EIF4E: variants seen among roughly 807,000 people sequenced by gnomAD.
EIF4E encodes the protein eIF-4F 25 kDa subunit.
For synonymous variants in EIF4E, 71 were observed against 88.5 expected, an observed-to-expected ratio of 0.80 and a Z score of 1.11; for missense variants, 113 against 265.6, an observed-to-expected ratio of 0.43 and a Z score of 3.99.
intron 1 of EIF4E, chr4:98,909,742 ATTT>A: frequency 1.4e-6 from 1 of 705,226 alleles, no homozygotes; most frequent in Non-Finnish European, 2.6e-6. Context: ...TTCAGCTCTC[ATTT>A]TTTTTCTTTC....
At chr4:98,909,674 T>A in intron 1 of EIF4E, 1 of 711,840 alleles carries the variant, frequency 1.4e-6, no homozygotes, top group Non-Finnish European at 2.6e-6. Context: ...ACAAGGCTTA[T>A]CACCTGGGAT....
At chr4:98,903,530 G>C in intron 1 of EIF4E, 1 of 453,868 alleles carries the variant, frequency 2.2e-6, no homozygotes, top group Middle Eastern at 3.7e-4. Flanking sequence ...TTTTAGTAGA[G>C]ACAAGGTCTC....
chr4:98,885,763 T>A (rs1160275293), intron 5 of EIF4E, among the ~76,000 whole-genome samples: 1 of 152,180 alleles, frequency 6.6e-6, no homozygotes, highest in Admixed American at 6.5e-5. Flanking sequence ...TTCTTAATTG[T>A]GGTAAAATAC....
chr4:98,915,537 G>A (rs1027516830), intron 1 of EIF4E, among the ~76,000 whole-genome samples: 1 of 149,530 alleles, frequency 6.7e-6, no homozygotes, highest in African/African-American at 2.5e-5. Context: ...TCATATTTTT[G>A]TAAATTACTT....
chr4:98,925,494 C>T (rs1194040635), intron 1 of EIF4E, among the ~76,000 whole-genome samples: 3 of 152,162 alleles, frequency 2.0e-5, no homozygotes, highest in African/African-American at 7.2e-5. Context: ...ACCGTTTGCC[C>T]TAACGTTCAA....
chr4:98,904,214 C>A (rs1364307503), intron 1 of EIF4E, among the ~76,000 whole-genome samples: 1 of 152,148 alleles, frequency 6.6e-6, no homozygotes, highest in Non-Finnish European at 1.5e-5. Context: ...AATTGCAGCA[C>A]TTTGAGAGGC....
intron 1 of EIF4E, among the ~76,000 whole-genome samples, chr4:98,905,231 T>TAA (rs72074867): frequency 0.17 from 23,738 of 140,316 alleles, 2,260 homozygotes; most frequent in African/African-American, 0.28. Flanking sequence ...TCAGGGAATT[T>TAA]AAAAAAAAAA....
chr4:98,894,026 C>T (rs1030721108), intron 2 of EIF4E, among the ~76,000 whole-genome samples: 3 of 152,172 alleles, frequency 2.0e-5, no homozygotes, highest in Admixed American at 2.0e-4. Context: ...AGCTCTTGGG[C>T]GACTAGGCGC....
intron 2 of EIF4E, among the ~76,000 whole-genome samples, chr4:98,900,515 C>A (rs1222423640): frequency 6.6e-6 from 1 of 151,548 alleles, no homozygotes; most frequent in Non-Finnish European, 1.5e-5. Context: ...TATAAATAGA[C>A]TTGTGGACTC....
At chr4:98,909,795 G>A (rs1406441480) in intron 1 of EIF4E, 9 of 699,960 alleles carry the variant, frequency 1.3e-5, no homozygotes, top group South Asian at 4.5e-5. Context: ...ACTTTTTCTC[G>A]ACCAACTGCT....
chr4:98,891,931 T>C (rs181924731), intron 2 of EIF4E, among the ~76,000 whole-genome samples: 1 of 152,314 alleles, frequency 6.6e-6, no homozygotes, highest in Admixed American at 6.5e-5. Flanking sequence ...TTCCCTGCTA[T>C]ACCTAGAGAC....
chr4:98,926,457 G>C (rs1260177555), intron 1 of EIF4E: 1 of 151,294 alleles, frequency 6.6e-6, no homozygotes, highest in Non-Finnish European at 1.5e-5. Flanking sequence ...CAGGAGAATC[G>C]ATTGAACCCA....
intron 2 of EIF4E, among the ~76,000 whole-genome samples, chr4:98,898,849 A>G (rs1376137284): frequency 6.6e-6 from 1 of 152,112 alleles, no homozygotes; most frequent in Non-Finnish European, 1.5e-5. Flanking sequence ...AATTTTTAAG[A>G]GTGTAAAGGA....
chr4:98,888,049 A>G, intron 3 of EIF4E, 97 bp from the exon 4 acceptor site: 1 of 1,067,266 alleles, frequency 9.4e-7, no homozygotes, highest in Non-Finnish European at 1.4e-6. Context: ...ATGAAAATAA[A>G]CAGATAAAAG....
Position 98,929,130 on chromosome 4 carries a change from G to C in EIF4E, c.-18C>G, listed in dbSNP as rs755922330. 1.3e-6 allele frequency: 2 copies of C among 1,563,856 alleles called. No homozygotes were observed. Among genetic ancestry groups the C allele is most frequent in the South Asian group, 2.4e-5 (2 of 85,048 alleles). ...GTCGCCATCTTAGATCGATCTGATC[G>C]CACAACCGCTCCAGAAGGGGGGGTA... On this transcript the variant is annotated 5_prime_UTR_variant, in exon 1 of 7. Transcript: ENST00000450253.
At chr4:98,884,823 G>A (rs1579147953) in intron 6 of EIF4E, 99 bp downstream of exon 6, 2 of 1,471,530 alleles carry the variant, frequency 1.4e-6, no homozygotes, top group East Asian at 2.3e-5. Context: ...AGGAAAACAG[G>A]ATCTACAAAC....
In EIF4E at chr4:98,917,133, C is replaced by CACACAA. The variant is rs1386548303; in HGVS notation, c.18+11961_18+11962insTTGTGT. 7.3e-3 allele frequency among the ~76,000 whole-genome samples: 402 copies of CACACAA among 55,204 alleles called. 4 individuals carry two copies. The highest frequency in any genetic ancestry group is 0.012 in the Non-Finnish European group (327 of 27,738). 36.2% of individuals were successfully genotyped at this position (55,204 alleles called of 152,430 possible). A position where few individuals can be genotyped will look rare whatever the true frequency, so the allele number is the denominator to read the frequency against. On this transcript the variant is annotated intron_variant, in intron 1 of 6. Transcript: ENST00000450253. Reference sequence around the variant, plus strand: ...ACACACACACACACACACACACACACAAAAAAAACCCAAATGCTCAAGTGT... The same window carrying CACACAA: ...ACACACACACACACACACACACACACACACAAAAAAAAAACCCAAATGCTCAAGTGT...
At chr4:98,906,161 C>A (rs1021181678) in intron 1 of EIF4E, among the ~76,000 whole-genome samples, 4 of 152,156 alleles carry the variant, frequency 2.6e-5, no homozygotes, top group African/African-American at 9.7e-5. Flanking sequence ...CCATTTGTGT[C>A]CTCCATTACC....
intron 1 of EIF4E, among the ~76,000 whole-genome samples, chr4:98,918,063 C>T (rs1725463008): frequency 6.6e-6 from 1 of 150,512 alleles, no homozygotes; most frequent in African/African-American, 2.4e-5. Context: ...GAGACCCTGT[C>T]TCAAAAAAAT....
Sources: allele counts gnomAD v4.1 joint callset (sites outside exome capture counted in the v4.1 genomes callset), GRCh38; gene constraint gnomAD v4.1.1; transcripts MANE v1.5; gene names NCBI Gene and HGNC (gene_info 2026-07-23, HGNC 2026-07-21).